Variants in FOLH1 observed in about 807,000 individuals in gnomAD.
FOLH1 encodes glutamate carboxypeptidase 2.
Under a neutral mutation model 93.9 loss-of-function variants are expected in FOLH1, and 54 were observed. The observed-to-expected ratio is 0.57, with a 90% CI of 0.46 to 0.72. FOLH1 has a LOEUF of 0.72. Among genes scored for constraint, FOLH1 ranks in the 30% least tolerant of loss-of-function variants. The pLI, the probability that FOLH1 is intolerant of heterozygous loss-of-function variation, is 0.00. For synonymous variants in FOLH1, 249 were observed against 303.6 expected (o/e 0.82, Z 1.87); for missense variants, 571 against 892.5 (o/e 0.64, Z 4.59).
At chr11:49,157,657 A>G (rs540607297) in intron 14 of FOLH1, among the ~76,000 whole-genome samples, 1 of 152,018 alleles carries the variant, frequency 6.6e-6, no homozygotes, top group East Asian at 1.9e-4. Context: ...CAAAGTCCAA[A>G]ACACTTCTCA....
chr11:49,152,361 A>G (rs1278447323), intron 17 of FOLH1, among the ~76,000 whole-genome samples: 12 of 152,184 alleles, frequency 7.9e-5, no homozygotes, highest in Admixed American at 7.2e-4. Context: ...AGCAATATGT[A>G]TCTATCTTTT....
chr11:49,174,758 G>T, intron 9 of FOLH1, 134 bp downstream of exon 9: 1 of 777,790 alleles, frequency 1.3e-6, no homozygotes, highest in Non-Finnish European at 2.1e-6. Flanking sequence ...TTTGTTTTTA[G>T]GTGAGTTCCA....
At chr11:49,207,850 C>G in intron 1 of FOLH1, 1 of 457,486 alleles carries the variant, frequency 2.2e-6, no homozygotes, top group Non-Finnish European at 4.4e-6. Context: ...CTGGTAAAGA[C>G]CTGTCCAGAT....
intron 12 of FOLH1, 145 bp downstream of exon 12, chr11:49,169,050 T>C (rs1858852168): frequency 1.2e-6 from 1 of 809,632 alleles, no homozygotes. Context: ...CAACTAGGGT[T>C]CATACACTGC....
intron 18 of FOLH1, among the ~76,000 whole-genome samples, chr11:49,147,760 C>A (rs1180069897): frequency 6.6e-6 from 1 of 152,082 alleles, no homozygotes; most frequent in African/African-American, 2.4e-5. Context: ...CCTGTCGCTA[C>A]AAATGAACGT....
At chr11:49,171,549 A>C (rs1859292336) in intron 10 of FOLH1, among the ~76,000 whole-genome samples, 1 of 152,148 alleles carries the variant, frequency 6.6e-6, no homozygotes, top group African/African-American at 2.4e-5. Flanking sequence ...ATGATTCGCT[A>C]TGCATAGGAA....
chr11:49,206,392 A>G, intron 1 of FOLH1: 1 of 838,582 alleles, frequency 1.2e-6, no homozygotes, highest in East Asian at 3.1e-5. Context: ...AATATTTCTT[A>G]TCCAACTTCA....
At chr11:49,197,178 T>G (rs1413831703) in intron 3 of FOLH1, among the ~76,000 whole-genome samples, 1 of 152,218 alleles carries the variant, frequency 6.6e-6, no homozygotes, top group Non-Finnish European at 1.5e-5. Flanking sequence ...TATAAGCATG[T>G]CTTTCAGGCA....
At chr11:49,154,659 C>T (rs1209149121) in intron 15 of FOLH1, among the ~76,000 whole-genome samples, 167 bp from the exon 16 acceptor site, 27 of 152,012 alleles carry the variant, frequency 1.8e-4, no homozygotes, top group Admixed American at 1.7e-3. Context: ...GATACATAAA[C>T]ACATTCCAGG....
chr11:49,188,052 T>A (rs946945077), intron 4 of FOLH1, among the ~76,000 whole-genome samples: 1 of 152,238 alleles, frequency 6.6e-6, no homozygotes, highest in Non-Finnish European at 1.5e-5. Flanking sequence ...AATTATCAAC[T>A]AGCATTCTAA....
At chr11:49,189,363 G>A (rs1016580203) in intron 4 of FOLH1, among the ~76,000 whole-genome samples, 8 of 152,010 alleles carry the variant, frequency 5.3e-5, no homozygotes, top group East Asian at 1.9e-4. Context: ...GCATGTACAC[G>A]ACAAATATAC....
chr11:49,204,067 T>C (rs1419365616), intron 2 of FOLH1, among the ~76,000 whole-genome samples: 1 of 152,114 alleles, frequency 6.6e-6, no homozygotes, highest in African/African-American at 2.4e-5. Context: ...GAAGAGAGAC[T>C]CAGATGGGCC....
At chr11:49,164,506 C>T (rs1460027453) in intron 13 of FOLH1, among the ~76,000 whole-genome samples, 199 bp downstream of exon 13, 1 of 152,112 alleles carries the variant, frequency 6.6e-6, no homozygotes, top group Non-Finnish European at 1.5e-5. Context: ...AATGGGCTAC[C>T]TCACACTGGT....
intron 1 of FOLH1, 150 bp downstream of exon 1, chr11:49,208,142 A>C: frequency 3.2e-6 from 2 of 632,900 alleles, no homozygotes; most frequent in Non-Finnish European, 5.7e-6. Context: ...TCCTAACTCG[A>C]GGGGTGCTCA....
chr11:49,197,368 C>T lies in FOLH1; in HGVS notation c.411+2887G>A, dbSNP rs1000747212. ...TATCAAAGTTAGATTAAATTTCAGT[C>T]TTAGAGTATTTTTTACTTTCCAAAA... On this transcript the variant is annotated intron_variant, in intron 3 of 18. Transcript: ENST00000256999. Among the ~76,000 whole-genome samples the T allele has an allele frequency of 1.6e-4, 24 of 152,104 alleles. 1 individual carries two copies. Among genetic ancestry groups the T allele is most frequent in the Admixed American group, 6.6e-5 (1 of 15,260 alleles).
chr11:49,171,138 T>C (rs202719), intron 11 of FOLH1, 57 bp downstream of exon 11: 218,960 of 1,478,334 alleles, frequency 0.15, 17,548 homozygotes, highest in African/African-American at 0.28. Flanking sequence ...GCTTGGCAAA[T>C]AAGTCCTGGC....
intron 4 of FOLH1, among the ~76,000 whole-genome samples, chr11:49,187,035 A>C (rs1303311990): frequency 1.3e-5 from 2 of 149,868 alleles, no homozygotes; most frequent in South Asian, 2.1e-4. Context: ...CTACAGAAGC[A>C]CCCCCCCCAC....
intron 2 of FOLH1, 61 bp from the exon 3 acceptor site, chr11:49,200,502 C>T (rs1863153493): frequency 6.4e-7 from 1 of 1,570,710 alleles, no homozygotes; most frequent in Middle Eastern, 1.7e-4. Flanking sequence ...TATTCCAAAT[C>T]AACAAAGTAA....
chr11:49,154,120 A>C (rs890402284), intron 16 of FOLH1, 108 bp downstream of exon 16: 1 of 1,483,576 alleles, frequency 6.7e-7, no homozygotes, highest in Non-Finnish European at 9.1e-7. Flanking sequence ...AGAATATTGG[A>C]TCACTTGAAA....
Sources: allele counts gnomAD v4.1 joint callset (sites outside exome capture counted in the v4.1 genomes callset), GRCh38; gene constraint gnomAD v4.1.1; transcripts MANE v1.5; gene names NCBI Gene and HGNC (gene_info 2026-07-23, HGNC 2026-07-21).